Variants in EPB41L5 observed in about 807,000 individuals in gnomAD.
EPB41L5 encodes band 4.1-like protein 5.
Under a neutral mutation model 106.6 loss-of-function variants are expected in EPB41L5, and 55 were observed. That is an observed-to-expected ratio of 0.52 (90% CI 0.42 to 0.65). The LOEUF is 0.65. Among genes scored for constraint, EPB41L5 ranks in the 30% least tolerant of loss-of-function variants. The pLI is 0.00. For missense variants in EPB41L5, 871 were observed against 882.1 expected (o/e 0.99, Z 0.16); for synonymous variants, 297 against 306.7 (o/e 0.97, Z 0.33).
At chr2:120,119,613 T>C (rs542648108) in intron 16 of EPB41L5, among the ~76,000 whole-genome samples, 62 of 150,150 alleles carry the variant, frequency 4.1e-4, no homozygotes, top group Non-Finnish European at 7.2e-4. Flanking sequence ...AAATATGGAG[T>C]CCTTTCTCCA....
rs577500541 is a variant in EPB41L5, at chr2:120,172,985, C to T, written c.2136-1856C>T. The stretch of plus-strand genomic sequence containing the variant: ...TTTGTATAGAAAACTGAGAAGTACT[C>T]GGGAGGCTGAGGCAAGGAGATCGCT... On this transcript the variant is annotated intron_variant, in intron 24 of 24. Transcript: ENST00000263713. Among the ~76,000 whole-genome samples, 50 of 152,092 alleles carry T rather than the reference C, an allele frequency of 3.3e-4. 2 individuals carry two copies. In the South Asian group the frequency reaches 9.8e-3, roughly 30 times the overall value.
At chr2:120,018,951 G>A in intron 1 of EPB41L5, 126 bp from the exon 2 acceptor site, 2 of 817,292 alleles carry the variant, frequency 2.4e-6, no homozygotes, top group Non-Finnish European at 3.8e-6. Context: ...CAGCCCAGGT[G>A]TCCTTTTTAG....
chr2:120,153,964 A>AT (rs1476092826), intron 20 of EPB41L5, among the ~76,000 whole-genome samples: 3 of 152,140 alleles, frequency 2.0e-5, no homozygotes, highest in African/African-American at 7.2e-5. Flanking sequence ...TACCATCGTA[A>AT]TTTTACTTTA....
intron 5 of EPB41L5, among the ~76,000 whole-genome samples, chr2:120,074,822 C>G (rs1177221608): frequency 6.6e-6 from 1 of 152,054 alleles, no homozygotes; most frequent in African/African-American, 2.4e-5. Flanking sequence ...TAGTTATATC[C>G]ATGTCTGTAT....
intron 14 of EPB41L5, among the ~76,000 whole-genome samples, chr2:120,099,539 T>C (rs1684006578): frequency 6.6e-6 from 1 of 152,092 alleles, no homozygotes; most frequent in South Asian, 2.1e-4. Context: ...GCCATTCTCC[T>C]GCCTCAGCCT....
intron 2 of EPB41L5, among the ~76,000 whole-genome samples, chr2:120,032,268 C>T (rs1678763766): frequency 6.6e-6 from 1 of 152,092 alleles, no homozygotes; most frequent in African/African-American, 2.4e-5. Flanking sequence ...ATCCCAGCTA[C>T]TCAGGAGGCT....
At chr2:120,013,406 C>G (rs1274011485) in intron 1 of EPB41L5, 196 bp downstream of exon 1, 2 of 151,978 alleles carry the variant, frequency 1.3e-5, no homozygotes, top group African/African-American at 4.8e-5. Context: ...GGAGGGGCGG[C>G]GGCGGCCAAT....
Position 120,075,576 on chromosome 2 carries a change from A to C in EPB41L5, c.452+56A>C, listed in dbSNP as rs991310383. 1.6e-5 allele frequency: 23 copies of C among 1,438,606 alleles called. No individual in the cohort carries two copies. In the Admixed American group the frequency reaches 3.9e-4, roughly 24 times the overall value. 89.1% of individuals were successfully genotyped at this position (1,438,606 alleles called of 1,614,324 possible). A position where few individuals can be genotyped will look rare whatever the true frequency, so the allele number is the denominator to read the frequency against. On this transcript the variant is annotated intron_variant, in intron 6 of 24. Coordinates refer to ENST00000263713, the MANE Select transcript of EPB41L5 (RefSeq NM_020909.4). Reference sequence around the variant, plus strand: ...CATTTTCGTGAGTGGTTGAAAAATTATTTTGAAAATAAGTTTATAGTTGTA... The same window carrying C: ...CATTTTCGTGAGTGGTTGAAAAATTCTTTTGAAAATAAGTTTATAGTTGTA...
At chr2:120,033,708 C>CAAA (rs3084761) in intron 2 of EPB41L5, among the ~76,000 whole-genome samples, 4 of 97,396 alleles carry the variant, frequency 4.1e-5, no homozygotes, top group Admixed American at 2.2e-4. Flanking sequence ...AACTCCATCT[C>CAAA]AAAAAAAAAA....
At chr2:120,115,885 C>T (rs1028285546) in intron 16 of EPB41L5, among the ~76,000 whole-genome samples, 33 of 152,198 alleles carry the variant, frequency 2.2e-4, no homozygotes, top group African/African-American at 6.5e-4. Flanking sequence ...TCTCAACTCA[C>T]TGCAACCTCT....
chr2:120,028,054 G>A lies in EPB41L5; in HGVS notation c.180+8790G>A, dbSNP rs1358978413. 2.0e-5 allele frequency among the ~76,000 whole-genome samples: 3 copies of A among 152,090 alleles called. No homozygotes were observed. The East Asian group carries it at 5.8e-4, about 30-fold the overall frequency. ...ATTTTTGTTATTTTTAGTAGAGAAA[G>A]GGTTTCACCATATTGGCCAGGCTGG... On this transcript the variant is annotated intron_variant, in intron 2 of 24. Coordinates refer to ENST00000263713, the MANE Select transcript of EPB41L5 (RefSeq NM_020909.4).
chr2:120,108,948 A>C (rs1204342818), intron 16 of EPB41L5, among the ~76,000 whole-genome samples: 1 of 152,198 alleles, frequency 6.6e-6, no homozygotes, highest in East Asian at 1.9e-4. Context: ...AAGGCATTGA[A>C]TATCAGTCTG....
chr2:120,100,330 T>C (rs1039663965), intron 15 of EPB41L5, 44 bp downstream of exon 15: 1 of 1,561,492 alleles, frequency 6.4e-7, no homozygotes. Flanking sequence ...CACCCGTTAA[T>C]TATGGTAACA....
intron 24 of EPB41L5, among the ~76,000 whole-genome samples, chr2:120,169,971 G>C (rs924604489): frequency 4.9e-4 from 74 of 152,232 alleles, no homozygotes; most frequent in Admixed American, 7.9e-4. Flanking sequence ...ATTGGAAATA[G>C]GTTTGGCAAC....
At chr2:120,126,980 T>G (rs1329117362) in intron 16 of EPB41L5, among the ~76,000 whole-genome samples, 1 of 152,216 alleles carries the variant, frequency 6.6e-6, no homozygotes, top group East Asian at 1.9e-4. Flanking sequence ...TTTATTAAAT[T>G]TATTCCTAAG....
At chr2:120,056,707 G>A (rs1385617021) in intron 3 of EPB41L5, among the ~76,000 whole-genome samples, 2 of 151,108 alleles carry the variant, frequency 1.3e-5, no homozygotes, top group African/African-American at 4.9e-5. Context: ...TGTAATGCTG[G>A]TCTTGTAGAC....
chr2:120,019,067 G>C lies in EPB41L5; in HGVS notation c.-8-10G>C, dbSNP rs377649889. 5.7e-6 allele frequency: 9 copies of C among 1,576,432 alleles called. No homozygotes were observed. In the South Asian group the frequency reaches 7.9e-5, roughly 14 times the overall value. On this transcript the variant is annotated splice_polypyrimidine_tract_variant and intron_variant, in intron 1 of 24. Coordinates refer to ENST00000263713, the MANE Select transcript of EPB41L5 (RefSeq NM_020909.4). Reference sequence around the variant, plus strand: ...TTCCTGATGCCATCTTTTTCTCTCTGTTTTTATAGTGACAAAAATGCTGAG... The same window carrying C: ...TTCCTGATGCCATCTTTTTCTCTCTCTTTTTATAGTGACAAAAATGCTGAG...
intron 2 of EPB41L5, among the ~76,000 whole-genome samples, chr2:120,037,530 T>C (rs1679120015): frequency 6.6e-6 from 1 of 152,092 alleles, no homozygotes; most frequent in Admixed American, 6.6e-5. Context: ...AATCAAAAAC[T>C]GTGGGGCTGC....
intron 21 of EPB41L5, 105 bp from the exon 22 acceptor site, chr2:120,164,731 C>T: frequency 1.4e-6 from 1 of 698,218 alleles, no homozygotes; most frequent in Admixed American, 2.8e-5. Context: ...AGGATTAACA[C>T]TAATCAGGCC....
Sources: allele counts gnomAD v4.1 joint callset (sites outside exome capture counted in the v4.1 genomes callset), GRCh38; gene constraint gnomAD v4.1.1; transcripts MANE v1.5; gene names NCBI Gene and HGNC (gene_info 2026-07-23, HGNC 2026-07-21).